FNDC3B: variants seen among roughly 807,000 people sequenced by gnomAD.
The protein encoded by FNDC3B is fibronectin type III domain containing 3B.
A neutral mutation model predicts 151.5 loss-of-function variants in FNDC3B; 12 were observed. The observed-to-expected ratio is 0.08, with a 90% CI of 0.05 to 0.13. The LOEUF (loss-of-function observed/expected upper bound fraction) is 0.13, where lower values mean the gene tolerates loss of function less well. FNDC3B is among the 10% of genes least tolerant of loss of function. FNDC3B has a pLI of 1.00. For missense variants in FNDC3B, 1,214 were observed against 1,505.3 expected (o/e 0.81, Z 3.20); for synonymous variants, 528 against 549.0 (o/e 0.96, Z 0.54).
intron 11 of FNDC3B, chr3:172,316,486 C>T (rs1391246592): frequency 2.2e-6 from 1 of 451,246 alleles, no homozygotes; most frequent in African/African-American, 2.0e-5. Flanking sequence ...TTTAATGTTC[C>T]TAAACAGATC....
chr3:172,123,134 G>C (rs1168450823), intron 2 of FNDC3B, among the ~76,000 whole-genome samples: 1 of 152,156 alleles, frequency 6.6e-6, no homozygotes, highest in African/African-American at 2.4e-5. Flanking sequence ...AACCTTCTGG[G>C]CTCAAGCTAT....
intron 1 of FNDC3B, among the ~76,000 whole-genome samples, chr3:172,112,202 A>G (rs569272727): frequency 5.3e-5 from 8 of 152,234 alleles, no homozygotes; most frequent in Non-Finnish European, 1.0e-4. Flanking sequence ...GTTGCCCTGG[A>G]TATATCTGAG....
At chr3:172,219,277 G>C (rs1726151474) in intron 3 of FNDC3B, among the ~76,000 whole-genome samples, 1 of 152,204 alleles carries the variant, frequency 6.6e-6, no homozygotes, top group African/African-American at 2.4e-5. Context: ...CTTGTGGATA[G>C]ACAATGCACC....
chr3:172,335,090 TTGC>T lies in FNDC3B; in HGVS notation c.1780+19_1780+21del, dbSNP rs529909822. The T allele has an allele frequency of 1.3e-6, 2 of 1,561,322 alleles. No homozygotes were observed. Among genetic ancestry groups the T allele is most frequent in the South Asian group, 1.2e-5 (1 of 81,760 alleles). ...GCTTTAGTGTCAAATGGGGTATGTT[TTGC>T]TGCTGCTGCTACTGTTTTTTTTTTT... On this transcript the variant is annotated intron_variant, in intron 15 of 25. Coordinates refer to ENST00000415807, the MANE Select transcript of FNDC3B (RefSeq NM_022763.4).
At chr3:172,205,642 T>C (rs1272824775) in intron 3 of FNDC3B, among the ~76,000 whole-genome samples, 1 of 152,204 alleles carries the variant, frequency 6.6e-6, no homozygotes, top group East Asian at 1.9e-4. Flanking sequence ...ATTCTCCTTG[T>C]AGAGTTTTCT....
chr3:172,195,159 T>C (rs1323287831), intron 3 of FNDC3B, among the ~76,000 whole-genome samples: 1 of 152,200 alleles, frequency 6.6e-6, no homozygotes, highest in Non-Finnish European at 1.5e-5. Context: ...TTTTTACTAG[T>C]TACAAGGATC....
At chr3:172,192,183 T>G (rs1310777451) in intron 3 of FNDC3B, among the ~76,000 whole-genome samples, 2 of 149,596 alleles carry the variant, frequency 1.3e-5, no homozygotes, top group East Asian at 1.9e-4. Flanking sequence ...TTTGTTTTTT[T>G]TTTTTTTGAG....
intron 1 of FNDC3B, among the ~76,000 whole-genome samples, chr3:172,098,354 C>T (rs761289424): frequency 6.6e-6 from 1 of 152,260 alleles, no homozygotes; most frequent in Non-Finnish European, 1.5e-5. Context: ...TGATTTCCTG[C>T]ATGTACCTGT....
chr3:172,138,281 A>G (rs1450703710), intron 3 of FNDC3B, among the ~76,000 whole-genome samples: 1 of 152,196 alleles, frequency 6.6e-6, no homozygotes, highest in Admixed American at 6.5e-5. Flanking sequence ...TGTGACAGGA[A>G]ACAGTGTATC....
intron 23 of FNDC3B, among the ~76,000 whole-genome samples, chr3:172,372,645 T>C (rs1201537351): frequency 1.3e-5 from 2 of 152,150 alleles, no homozygotes; most frequent in East Asian, 1.9e-4. Context: ...GACATGTTCC[T>C]GCTGGGTCAA....
chr3:172,255,662 A>T (rs764239475), intron 6 of FNDC3B, among the ~76,000 whole-genome samples: 1 of 152,160 alleles, frequency 6.6e-6, no homozygotes, highest in Non-Finnish European at 1.5e-5. Context: ...TCAGCCTCCC[A>T]AAGTGTTGGG....
At chr3:172,328,905 GT>G (rs201161345) in intron 11 of FNDC3B, 46 bp from the exon 12 acceptor site, 39,039 of 1,053,176 alleles carry the variant, frequency 0.037, no homozygotes, top group South Asian at 0.048. Context: ...GTTATCTGTT[GT>G]TTTTTTTTTT....
In FNDC3B at chr3:172,227,037, G is replaced by A. The variant is rs1043773665; in HGVS notation, c.264+90G>A. 343 of 921,576 alleles carry A rather than the reference G, an allele frequency of 3.7e-4. 1 individual carries two copies. The highest frequency in any genetic ancestry group is 5.8e-4 in the Non-Finnish European group (324 of 558,684). 57.1% of individuals were successfully genotyped at this position (921,576 alleles called of 1,614,324 possible). A position where few individuals can be genotyped will look rare whatever the true frequency, so the allele number is the denominator to read the frequency against. Reference sequence around the variant, plus strand: ...TTGAGGCTTCAAAGCCATATTCCAGGAGTTAATTTGGGTACCGTAGTGCTA... The same window carrying A: ...TTGAGGCTTCAAAGCCATATTCCAGAAGTTAATTTGGGTACCGTAGTGCTA... On this transcript the variant is annotated intron_variant, in intron 4 of 25. Coordinates refer to ENST00000415807, the MANE Select transcript of FNDC3B (RefSeq NM_022763.4).
intron 18 of FNDC3B, 83 bp downstream of exon 18, chr3:172,343,199 G>A: frequency 1.3e-6 from 1 of 790,230 alleles, no homozygotes; most frequent in South Asian, 1.4e-5. Flanking sequence ...AAGTTTCAAA[G>A]CTTTCTTCTA....
At chr3:172,269,725 A>C (rs1351486501) in intron 6 of FNDC3B, among the ~76,000 whole-genome samples, 1 of 150,736 alleles carries the variant, frequency 6.6e-6, no homozygotes, top group Non-Finnish European at 1.5e-5. Context: ...ACTCACTGCA[A>C]CCTCCACCTC....
intron 3 of FNDC3B, among the ~76,000 whole-genome samples, chr3:172,157,211 A>G (rs1277106211): frequency 6.6e-6 from 1 of 152,188 alleles, no homozygotes; most frequent in Non-Finnish European, 1.5e-5. Flanking sequence ...ACAAAGGTCC[A>G]GATAGGCCAA....
chr3:172,131,408 A>C (rs537407282), intron 2 of FNDC3B, among the ~76,000 whole-genome samples: 15 of 152,270 alleles, frequency 9.9e-5, no homozygotes, highest in South Asian at 2.1e-4. Context: ...AAAAAAAAAA[A>C]AAACCAAATA....
At chr3:172,262,234 T>G (rs1387076849) in intron 6 of FNDC3B, among the ~76,000 whole-genome samples, 1 of 152,238 alleles carries the variant, frequency 6.6e-6, no homozygotes, top group Non-Finnish European at 1.5e-5. Context: ...TTCCTCCTAC[T>G]AGGTTAACAT....
intron 3 of FNDC3B, among the ~76,000 whole-genome samples, chr3:172,173,749 A>C (rs35100548): frequency 0.13 from 18,874 of 144,834 alleles, 1,473 homozygotes; most frequent in Admixed American, 0.2. Context: ...TGAGCCTGGG[A>C]TGTCAAGGCT....
Sources: gnomAD v4.1 joint callset for allele counts (sites outside exome capture counted in the v4.1 genomes callset) on GRCh38, gnomAD v4.1.1 for gene constraint, MANE v1.5 for transcripts, NCBI Gene and HGNC (gene_info 2026-07-23, HGNC 2026-07-21) for gene names.